The following NOSTRIN variants were observed in gnomAD, a reference collection of about 807,000 sequenced individuals.
The protein encoded by NOSTRIN is nitric oxide synthase trafficking.
NOSTRIN carries 63 observed loss-of-function variants against 59.0 expected under a neutral mutation model. The observed-to-expected ratio is 1.07, with a 90% confidence interval of 0.87 to 1.32. NOSTRIN has a LOEUF of 1.32. Ranked by LOEUF, NOSTRIN falls within the 40% of genes most tolerant of loss-of-function variation. NOSTRIN has a pLI of 0.00. For synonymous variants in NOSTRIN, 200 were observed against 165.4 expected (o/e 1.21, Z -1.61); for missense variants, 512 against 473.1 (o/e 1.08, Z -0.76).
chr2:168,806,517 T>C (rs1685859014), intron 1 of NOSTRIN, among the ~76,000 whole-genome samples: 1 of 152,118 alleles, frequency 6.6e-6, no homozygotes, highest in African/African-American at 2.4e-5. Flanking sequence ...GGAAGAAACA[T>C]TTTCCTAATG....
intron 12 of NOSTRIN, among the ~76,000 whole-genome samples, chr2:168,858,060 A>G (rs1412165816): frequency 6.6e-6 from 1 of 152,246 alleles, no homozygotes; most frequent in Non-Finnish European, 1.5e-5. Context: ...ACTGTAGGAC[A>G]TTTTCTGTGA....
chr2:168,789,163 C>T (rs1271889284), intron 2 of NOSTRIN, among the ~76,000 whole-genome samples: 1 of 152,170 alleles, frequency 6.6e-6, no homozygotes, highest in Non-Finnish European at 1.5e-5. Flanking sequence ...CAAAGTAGTA[C>T]TTAAAGAATG....
Position 168,855,854 on chromosome 2 carries a change from T to C in NOSTRIN, c.964+394T>C, listed in dbSNP as rs552996984. 6.7e-6 allele frequency: 3 copies of C among 446,380 alleles called. No individual in the cohort carries two copies. In the Admixed American group the frequency reaches 7.5e-5, roughly 11 times the overall value. 27.7% of individuals were successfully genotyped at this position (446,380 alleles called of 1,614,324 possible). A position where few individuals can be genotyped will look rare whatever the true frequency, so the allele number is the denominator to read the frequency against. On this transcript the variant is annotated intron_variant, in intron 11 of 15. Transcript: ENST00000317647. The stretch of plus-strand genomic sequence containing the variant: ...GTTTCTTTTGACTTTTGAAACAATG[T>C]AAAAACCTTTCAAATTAAATTCTGT...
At chr2:168,802,126 G>A (rs1685632914), upstream of NOSTRIN, among the ~76,000 whole-genome samples, 1 of 152,050 alleles carries the variant, frequency 6.6e-6, no homozygotes, top group Non-Finnish European at 1.5e-5. Flanking sequence ...TGGATTTGTT[G>A]GTTTGCATAT....
intron 10 of NOSTRIN, among the ~76,000 whole-genome samples, chr2:168,852,448 C>T (rs139776859): frequency 5.3e-4 from 80 of 152,282 alleles, no homozygotes; most frequent in African/African-American, 1.9e-3. Context: ...CCTCTGCTCC[C>T]CTCTTGATAT....
intron 5 of NOSTRIN, 41 bp from the exon 6 acceptor site, chr2:168,831,428 CAAG>C (rs1432284397): frequency 1.9e-5 from 16 of 847,424 alleles, no homozygotes; most frequent in Non-Finnish European, 2.9e-5. Context: ...AGCAACTAAA[CAAG>C]AAGAAAGCAA....
At chr2:168,845,178 A>C (rs1266672452) in intron 8 of NOSTRIN, among the ~76,000 whole-genome samples, 1 of 152,188 alleles carries the variant, frequency 6.6e-6, no homozygotes, top group East Asian at 1.9e-4. Context: ...GGTGATGAGA[A>C]AAGGTCAGGG....
chr2:168,833,985 GA>G, intron 6 of NOSTRIN: 1 of 412,934 alleles, frequency 2.4e-6, no homozygotes, highest in Non-Finnish European at 4.3e-6. Context: ...CCGATATAAT[GA>G]AAAAGTATGC....
chr2:168,833,510 A>ATT (rs1687489886), intron 6 of NOSTRIN, among the ~76,000 whole-genome samples: 1 of 152,232 alleles, frequency 6.6e-6, no homozygotes, highest in Admixed American at 6.5e-5. Context: ...TGAACAGGCT[A>ATT]AATCCAACTT....
intron 5 of NOSTRIN, 28 bp from the exon 6 acceptor site, chr2:168,831,444 C>T (rs755782007): frequency 2.3e-6 from 2 of 856,912 alleles, no homozygotes; most frequent in African/African-American, 3.3e-5. Flanking sequence ...GAAAGCAAAG[C>T]TTTGTTTCCT....
chr2:168,799,113 C>T (rs568107536), upstream of NOSTRIN, among the ~76,000 whole-genome samples: 1 of 152,248 alleles, frequency 6.6e-6, no homozygotes, highest in African/African-American at 2.4e-5. Context: ...TCTTGGCAAA[C>T]AACTCAGGAG....
In NOSTRIN at chr2:168,859,524, C is replaced by A. The variant is rs780589119; in HGVS notation, c.1066C>A (p.Leu356Ile). The change falls in exon 13 of 16, where the codon CTA (leucine) becomes ATA (isoleucine). Residue 356 changes from leucine to isoleucine, a missense_variant. Leu to Ile is a conservative substitution (Grantham distance 5). Coordinates refer to ENST00000317647, the MANE Select transcript of NOSTRIN (RefSeq NM_001039724.4). ...AALMDENNLK[L>I]DLLEANSYKL... ...GATGTATCCACAGAACAATTTGAAA[C>A]TAGACCTTTTGGAAGCGAACTCCTA... 6.2e-7 allele frequency: 1 copy of A among 1,614,022 alleles called. No homozygotes were observed. The highest frequency in any genetic ancestry group is 1.7e-5 in the Admixed American group (1 of 60,010).
In NOSTRIN at chr2:168,851,065, C is replaced by T. The variant is rs778281520; in HGVS notation, c.631-19C>T. 1.5e-6 allele frequency: 2 copies of T among 1,373,262 alleles called. No homozygotes were observed. The highest frequency in any genetic ancestry group is 2.1e-6 in the Non-Finnish European group (2 of 959,986). The allele number at this position is 1,373,262 out of a possible 1,614,324, so 85.1% of individuals were successfully genotyped here. A position where few individuals can be genotyped will look rare whatever the true frequency, so the allele number is the denominator to read the frequency against. ...GCATAACAACTGGCTGATCTTACCC[C>T]AATTTTCATTCTTTTCAGAGCATTC... On this transcript the variant is annotated intron_variant, in intron 8 of 15. Coordinates refer to ENST00000317647, the MANE Select transcript of NOSTRIN (RefSeq NM_001039724.4).
Position 168,851,337 on chromosome 2 carries a change from C to T in NOSTRIN, c.788C>T (p.Ala263Val). Residue 263 changes from alanine (A) to valine (V), a missense_variant, in exon 10 of 16, where the codon GCT becomes GTT. Physicochemically the swap from Ala to Val is moderately conservative, Grantham distance 64 (BLOSUM62 0). Transcript: ENST00000317647. Reference sequence around the variant, plus strand: ...ATTGACATTGAAAAAGATATCCAGGCTGTAATGGAAGAAACTGCAATTTTA... The same window carrying T: ...ATTGACATTGAAAAAGATATCCAGGTTGTAATGGAAGAAACTGCAATTTTA... ...SKIDIEKDIQ[A>V]VMEETAILST... 2 of 1,613,772 alleles carry T rather than the reference C, an allele frequency of 1.2e-6. No individual in the cohort carries two copies. The highest frequency in any genetic ancestry group is 1.7e-6 in the Non-Finnish European group (2 of 1,179,946).
chr2:168,793,854 T>C (rs1685417393), upstream of NOSTRIN, among the ~76,000 whole-genome samples: 1 of 152,184 alleles, frequency 6.6e-6, no homozygotes, highest in Non-Finnish European at 1.5e-5. Context: ...CAGAATAGTT[T>C]CTGTTACGTA....
intron 2 of NOSTRIN, among the ~76,000 whole-genome samples, chr2:168,820,846 T>C (rs935611275): frequency 6.6e-6 from 1 of 152,208 alleles, no homozygotes; most frequent in Admixed American, 6.5e-5. Context: ...CACTTCTTTT[T>C]GGTGTCCTTT....
At chr2:168,824,051 G>C (rs1686914626) in intron 2 of NOSTRIN, among the ~76,000 whole-genome samples, 1 of 151,980 alleles carries the variant, frequency 6.6e-6, no homozygotes, top group African/African-American at 2.4e-5. Flanking sequence ...CTCCAGCCTG[G>C]GCAACAAGAG....
chr2:168,851,463 C>G, intron 10 of NOSTRIN, 59 bp downstream of exon 10: 2 of 1,530,810 alleles, frequency 1.3e-6, no homozygotes, highest in Middle Eastern at 3.8e-4. Context: ...TACTGAGGGA[C>G]TTACATTGAA....
chr2:168,795,031 A>T (rs773258714), upstream of NOSTRIN, among the ~76,000 whole-genome samples: 6 of 152,228 alleles, frequency 3.9e-5, no homozygotes, highest in Non-Finnish European at 7.3e-5. Flanking sequence ...CACAGGAAAA[A>T]ATCACAATAA....
Sources: allele counts gnomAD v4.1 joint callset (sites outside exome capture counted in the v4.1 genomes callset), GRCh38; gene constraint gnomAD v4.1.1; transcripts MANE v1.5; gene names NCBI Gene and HGNC (gene_info 2026-07-23, HGNC 2026-07-21).